The following UTRN variants were observed in gnomAD, a reference collection of about 807,000 sequenced individuals.
UTRN encodes dystrophin-related protein 1.
UTRN carries 283 observed loss-of-function variants against 463.9 expected under a neutral mutation model. The ratio of observed to expected loss-of-function variants is 0.61; its 90% CI spans 0.55 to 0.67. UTRN has a LOEUF of 0.67. UTRN is among the 30% of genes least tolerant of loss of function. UTRN has a pLI of 0.00. For synonymous variants in UTRN, 1,442 were observed against 1,431.5 expected, an observed-to-expected ratio of 1.01 and a Z score of -0.17; for missense variants, 3,922 against 4,084.3, an observed-to-expected ratio of 0.96 and a Z score of 1.08.
intron 2 of UTRN, among the ~76,000 whole-genome samples, chr6:144,396,794 C>T (rs1326675983): frequency 1.3e-5 from 2 of 152,076 alleles, no homozygotes; most frequent in South Asian, 4.1e-4. Context: ...TGGCACCATC[C>T]AACTGCATGT....
At chr6:144,540,585 C>T (rs1159682943) in intron 45 of UTRN, among the ~76,000 whole-genome samples, 1 of 152,166 alleles carries the variant, frequency 6.6e-6, no homozygotes, top group Non-Finnish European at 1.5e-5. Flanking sequence ...TAATAGGCAC[C>T]TCAAACTAAC....
At chr6:144,793,750 G>T in intron 62 of UTRN, 84 bp from the exon 63 acceptor site, 1 of 1,524,512 alleles carries the variant, frequency 6.6e-7, no homozygotes, top group Non-Finnish European at 8.8e-7. Context: ...AATCTGCATG[G>T]TTCAGTCCAC....
intron 62 of UTRN, among the ~76,000 whole-genome samples, chr6:144,790,442 T>A (rs944403496): frequency 5.9e-5 from 9 of 152,250 alleles, no homozygotes; most frequent in African/African-American, 2.2e-4. Flanking sequence ...TTTCTGGGAT[T>A]TCTGTGAGGT....
Position 144,803,047 on chromosome 6 carries a change from T to C in UTRN, c.9257T>C (p.Leu3086Pro). Residue 3086 changes from leucine (L) to proline (P), a missense_variant, in exon 65 of 75, where the codon CTT becomes CCT. Coordinates refer to ENST00000367545, the MANE Select transcript of UTRN (RefSeq NM_007124.3). ...TTTGTTTTCTCTAGGTATAGAAGCC[T>C]TAAGCATTTTAACTATGATGTCTGC... The part of the protein sequence containing the change: ...CPIVGFRYRS[L>P]KHFNYDVCQS... 1 of 1,576,912 alleles carries C rather than the reference T, an allele frequency of 6.3e-7. No individual in the cohort carries two copies. Among genetic ancestry groups the C allele is most frequent in the Non-Finnish European group, 8.6e-7 (1 of 1,164,118 alleles).
chr6:144,291,808 T>A lies in UTRN; in HGVS notation c.-21T>A. On this transcript the variant is annotated 5_prime_UTR_variant, in exon 2 of 75. Coordinates refer to ENST00000367545, the MANE Select transcript of UTRN (RefSeq NM_007124.3). The stretch of plus-strand genomic sequence containing the variant: ...AAGAGGACTTGGTAAAGTTTTTGGA[T>A]TATCTTGAAACTCTGGCAAGATGGC... The A allele has an allele frequency of 6.2e-7, 1 of 1,606,928 alleles. No individual in the cohort carries two copies. Among genetic ancestry groups the A allele is most frequent in the Non-Finnish European group, 8.5e-7 (1 of 1,177,446 alleles).
chr6:144,465,479 G>A (rs1347012407), intron 23 of UTRN, among the ~76,000 whole-genome samples: 2 of 152,126 alleles, frequency 1.3e-5, no homozygotes, highest in Non-Finnish European at 2.9e-5. Flanking sequence ...GTAAGTGTTT[G>A]TTGTTACAGT....
At chr6:144,433,330 C>A (rs1786104884) in intron 9 of UTRN, among the ~76,000 whole-genome samples, 1 of 149,740 alleles carries the variant, frequency 6.7e-6, no homozygotes, top group African/African-American at 2.5e-5. Flanking sequence ...CCCCCCACCT[C>A]CCTCCCGGAC....
chr6:144,374,009 T>C (rs1246557346), intron 2 of UTRN, among the ~76,000 whole-genome samples: 2 of 152,222 alleles, frequency 1.3e-5, no homozygotes, highest in Non-Finnish European at 2.9e-5. Flanking sequence ...ATCTTCTTAC[T>C]ATAAAATAAA....
rs777874925 is a variant in UTRN, at chr6:144,461,245, T to C, written c.2756T>C (p.Leu919Pro). The C allele has an allele frequency of 1.2e-6, 2 of 1,610,034 alleles. No homozygotes were observed. The highest frequency in any genetic ancestry group is 1.7e-6 in the Non-Finnish European group (2 of 1,177,540). Residue 919 changes from leucine (L) to proline (P), a missense_variant, in exon 22 of 75, where the codon CTG becomes CCG. Coordinates refer to ENST00000367545, the MANE Select transcript of UTRN (RefSeq NM_007124.3). ...GCATATCTGGAAACATTGAAAACAC[T>C]GAAAGATGTGCTAAATGATTCAGAA... ...GHAYLETLKT[L>P]KDVLNDSENK...
intron 1 of UTRN, among the ~76,000 whole-genome samples, chr6:144,287,666 TCACCTTATGTTTATTTTTTAAA>T (rs1803827993): frequency 6.6e-6 from 1 of 152,214 alleles, no homozygotes; most frequent in South Asian, 2.1e-4. Flanking sequence ...TTTAAGGCTG[TCACCTTATGTTTATTTTTTAAA>T]CACCTTATGT....
chr6:144,610,658 T>C (rs1805398660), intron 51 of UTRN, among the ~76,000 whole-genome samples: 1 of 152,158 alleles, frequency 6.6e-6, no homozygotes, highest in South Asian at 2.1e-4. Flanking sequence ...GAGAATCACC[T>C]AAGGTCAGGA....
At chr6:144,448,861 G>A (rs572136211) in intron 17 of UTRN, 92 bp downstream of exon 17, 3 of 1,364,568 alleles carry the variant, frequency 2.2e-6, no homozygotes, top group African/African-American at 3.0e-5. Context: ...TTAATCATAG[G>A]CAAATCTAGA....
At chr6:144,335,309 G>A (rs1338208745) in intron 2 of UTRN, among the ~76,000 whole-genome samples, 3 of 152,140 alleles carry the variant, frequency 2.0e-5, no homozygotes, top group East Asian at 3.8e-4. Context: ...TTTCTGGATC[G>A]CCCTTTCTCC....
At chr6:144,620,757 A>G (rs1013725027) in intron 51 of UTRN, among the ~76,000 whole-genome samples, 1 of 152,126 alleles carries the variant, frequency 6.6e-6, no homozygotes, top group Non-Finnish European at 1.5e-5. Context: ...TGGTGATATT[A>G]CTATGAGAAT....
At chr6:144,581,365 T>G (rs1331790505) in intron 51 of UTRN, among the ~76,000 whole-genome samples, 1 of 152,232 alleles carries the variant, frequency 6.6e-6, no homozygotes. Context: ...ACCAATTAAT[T>G]GAAATGCTCT....
intron 51 of UTRN, among the ~76,000 whole-genome samples, chr6:144,600,071 T>G (rs1804083395): frequency 6.6e-6 from 1 of 152,218 alleles, no homozygotes; most frequent in African/African-American, 2.4e-5. Context: ...CCATATAAGA[T>G]GCTGAACTTA....
intron 2 of UTRN, among the ~76,000 whole-genome samples, chr6:144,357,679 C>T (rs1026863977): frequency 6.6e-6 from 1 of 152,262 alleles, no homozygotes; most frequent in Non-Finnish European, 1.5e-5. Context: ...GATCTTAGTA[C>T]TTCCTGCAGA....
At chr6:144,342,460 GA>G (rs1171132220) in intron 2 of UTRN, among the ~76,000 whole-genome samples, 1 of 151,928 alleles carries the variant, frequency 6.6e-6, no homozygotes, top group Non-Finnish European at 1.5e-5. Flanking sequence ...GATATTAGCT[GA>G]AAGATAAAAA....
At chr6:144,433,162 G>A (rs1333308139) in intron 9 of UTRN, among the ~76,000 whole-genome samples, 17 of 151,666 alleles carry the variant, frequency 1.1e-4, no homozygotes, top group African/African-American at 2.9e-4. Context: ...CCACAAAACC[G>A]CCATTGTCAT....
Sources: allele counts gnomAD v4.1 joint callset (sites outside exome capture counted in the v4.1 genomes callset), GRCh38; gene constraint gnomAD v4.1.1; transcripts MANE v1.5; gene names NCBI Gene and HGNC (gene_info 2026-07-23, HGNC 2026-07-21).